ARHGAP31: variants seen among roughly 807,000 people sequenced by gnomAD.
ARHGAP31 encodes Rho GTPase activating protein 31, also known as rho GTPase-activating protein 31.
In ARHGAP31, 34 loss-of-function variants were observed where a neutral mutation model predicts 113.9. The observed-to-expected ratio is 0.30, with a 90% confidence interval of 0.23 to 0.40. The LOEUF is 0.40. Among genes scored for constraint, ARHGAP31 ranks in the 10% least tolerant of loss-of-function variants. ARHGAP31 has a pLI of 1.00. For synonymous variants in ARHGAP31, 650 were observed against 684.8 expected, an observed-to-expected ratio of 0.95 and a Z score of 0.79; for missense variants, 1,548 against 1,767.1, an observed-to-expected ratio of 0.88 and a Z score of 2.22.
chr3:119,356,339 A>C (rs2080157072), intron 1 of ARHGAP31, among the ~76,000 whole-genome samples: 1 of 152,094 alleles, frequency 6.6e-6, no homozygotes, highest in African/African-American at 2.4e-5. Flanking sequence ...ACAACAACAA[A>C]AAAAACCATG....
intron 6 of ARHGAP31, among the ~76,000 whole-genome samples, chr3:119,384,949 G>A (rs2080436962): frequency 6.7e-6 from 1 of 150,070 alleles, no homozygotes; most frequent in Admixed American, 6.6e-5. Context: ...TTTTTGGATG[G>A]AGTCTCACTC....
At position 119,339,679 on chromosome 3, in the gene ARHGAP31, A is replaced by G. The variant is rs528694550; in HGVS notation, c.101-25637A>G. On this transcript the variant is annotated intron_variant, in intron 1 of 11. Coordinates refer to ENST00000264245, the MANE Select transcript of ARHGAP31 (RefSeq NM_020754.4). ...AGAAGCAATGCAATGAACGAAAAAG[A>G]GCATTTCCAAAAAATAGTGCTGGAA... Among the ~76,000 whole-genome samples, 15 of 152,332 alleles carry G rather than the reference A, an allele frequency of 9.8e-5. No homozygotes were observed. The East Asian group carries it at 2.7e-3, about 27-fold the overall frequency.
At chr3:119,298,881 T>A in intron 1 of ARHGAP31, 1 of 233,038 alleles carries the variant, frequency 4.3e-6, no homozygotes. Flanking sequence ...AAAGCTACAT[T>A]ATTGTGTGAG....
intron 1 of ARHGAP31, among the ~76,000 whole-genome samples, chr3:119,296,752 C>CA (rs147252007): frequency 0.024 from 3,599 of 150,104 alleles, 138 homozygotes; most frequent in African/African-American, 0.083. Context: ...TTCATTTAGA[C>CA]AAAAAAAAAC....
At chr3:119,346,987 A>G (rs771537712) in intron 1 of ARHGAP31, among the ~76,000 whole-genome samples, 5 of 152,176 alleles carry the variant, frequency 3.3e-5, no homozygotes. Flanking sequence ...GAGAGCAGGG[A>G]TAGAGTATGG....
intron 1 of ARHGAP31, among the ~76,000 whole-genome samples, chr3:119,364,687 A>G (rs1220231272): frequency 6.6e-6 from 1 of 152,234 alleles, no homozygotes; most frequent in East Asian, 1.9e-4. Context: ...GCTGCTGGTC[A>G]GAAGACCATA....
intron 8 of ARHGAP31, among the ~76,000 whole-genome samples, chr3:119,398,204 C>T (rs2080568281): frequency 6.6e-6 from 1 of 152,034 alleles, no homozygotes; most frequent in African/African-American, 2.4e-5. Context: ...GAGGTTGAGG[C>T]TGTAGTGAGC....
Position 119,414,958 on chromosome 3 carries a change from T to C in ARHGAP31, c.3029T>C (p.Phe1010Ser). ...DEKALRSFRE[F>S]SGLKGAEAPP... ...AAAGCCCTGAGGTCCTTCAGAGAGT[T>C]CTCTGGCCTGAAAGGGGCAGAGGCT... The change falls in exon 12 of 12, where the codon TTC (phenylalanine) becomes TCC (serine). Residue 1010 changes from phenylalanine (F) to serine (S), a missense_variant. Coordinates refer to ENST00000264245, the MANE Select transcript of ARHGAP31 (RefSeq NM_020754.4). The C allele has an allele frequency of 6.2e-7, 1 of 1,614,148 alleles. No individual in the cohort carries two copies. The highest frequency in any genetic ancestry group is 8.5e-7 in the Non-Finnish European group (1 of 1,180,026).
chr3:119,400,038 C>T (rs1029034991), intron 9 of ARHGAP31, among the ~76,000 whole-genome samples: 6 of 152,252 alleles, frequency 3.9e-5, no homozygotes, highest in African/African-American at 1.4e-4. Flanking sequence ...ATACTTATCC[C>T]ATGACTTTCC....
intron 1 of ARHGAP31, among the ~76,000 whole-genome samples, chr3:119,347,124 C>T (rs1344077559): frequency 1.4e-5 from 2 of 138,104 alleles, no homozygotes; most frequent in South Asian, 2.2e-4. Context: ...ACTGTGCGCT[C>T]ACTAAGATGG....
At chr3:119,327,077 T>C (rs2079851611) in intron 1 of ARHGAP31, among the ~76,000 whole-genome samples, 1 of 150,578 alleles carries the variant, frequency 6.6e-6, no homozygotes, top group South Asian at 2.1e-4. Context: ...GAGACGGAGG[T>C]TGTAGTGAGG....
intron 7 of ARHGAP31, among the ~76,000 whole-genome samples, chr3:119,391,624 T>C (rs1277156445): frequency 2.2e-5 from 2 of 90,842 alleles, no homozygotes; most frequent in African/African-American, 8.2e-5. Context: ...TCATATCCCA[T>C]AGTAGAAAGA....
At chr3:119,395,962 C>T (rs1439576708) in intron 8 of ARHGAP31, among the ~76,000 whole-genome samples, 1 of 152,064 alleles carries the variant, frequency 6.6e-6, no homozygotes, top group Non-Finnish European at 1.5e-5. Context: ...GAGTACCTGA[C>T]CAGAAACTCC....
At chr3:119,391,294 A>G (rs995036198) in intron 7 of ARHGAP31, among the ~76,000 whole-genome samples, 3 of 152,164 alleles carry the variant, frequency 2.0e-5, no homozygotes, top group East Asian at 3.9e-4. Context: ...TTTTTAGTGT[A>G]GACAAATCAG....
In ARHGAP31 at chr3:119,303,688, A is replaced by C. The variant is rs78273720; in HGVS notation, c.100+8684A>C. 3.7e-3 allele frequency among the ~76,000 whole-genome samples: 557 copies of C among 152,346 alleles called. 2 individuals carry two copies. Among genetic ancestry groups the C allele is most frequent in the African/African-American group, 0.012 (495 of 41,586 alleles). ...AAAACAGCTTGACATATAAGCTAGGATTCCGGCAAACCGTACATAAATCTA... is the reference window on the plus strand; with the variant it reads ...AAAACAGCTTGACATATAAGCTAGGCTTCCGGCAAACCGTACATAAATCTA... On this transcript the variant is annotated intron_variant, in intron 1 of 11. Transcript: ENST00000264245.
At chr3:119,392,253 G>A (rs1445145929) in intron 7 of ARHGAP31, among the ~76,000 whole-genome samples, 1 of 152,188 alleles carries the variant, frequency 6.6e-6, no homozygotes, top group East Asian at 1.9e-4. Flanking sequence ...TTTGAGACCA[G>A]CCTGGGCAAC....
chr3:119,318,940 ACAGGTCAGATTGCTC>A (rs2079758581), intron 1 of ARHGAP31, among the ~76,000 whole-genome samples: 1 of 151,978 alleles, frequency 6.6e-6, no homozygotes, highest in South Asian at 2.1e-4. Flanking sequence ...TTTTTTACAT[ACAGGTCAGATTGCTC>A]CAAAAAAACA....
At chr3:119,404,230 C>T (rs2080641116) in intron 10 of ARHGAP31, among the ~76,000 whole-genome samples, 1 of 152,210 alleles carries the variant, frequency 6.6e-6, no homozygotes, top group Non-Finnish European at 1.5e-5. Flanking sequence ...GAATAGGTCT[C>T]TGGGCCCCAT....
At chr3:119,394,364 G>T (rs1398324171) in intron 8 of ARHGAP31, among the ~76,000 whole-genome samples, 1 of 152,048 alleles carries the variant, frequency 6.6e-6, no homozygotes, top group Non-Finnish European at 1.5e-5. Flanking sequence ...TCTCCCCCAG[G>T]GTCGTGATTT....
Sources: gnomAD v4.1 joint callset for allele counts (sites outside exome capture counted in the v4.1 genomes callset) on GRCh38, gnomAD v4.1.1 for gene constraint, MANE v1.5 for transcripts, NCBI Gene and HGNC (gene_info 2026-07-23, HGNC 2026-07-21) for gene names.